The following SPECC1L variants were observed in gnomAD, a reference collection of about 807,000 sequenced individuals.
SPECC1L encodes cytospin-A.
Under a neutral mutation model 116.8 loss-of-function variants are expected in SPECC1L, and 40 were observed. The ratio of observed to expected loss-of-function variants is 0.34; its 90% confidence interval spans 0.27 to 0.45. The LOEUF is 0.45. SPECC1L is among the 20% of genes least tolerant of loss of function. The pLI is 1.00. For missense variants in SPECC1L, 1,110 were observed against 1,373.6 expected, an observed-to-expected ratio of 0.81 and a Z score of 3.03; for synonymous variants, 504 against 500.6, an observed-to-expected ratio of 1.01 and a Z score of -0.09.
At chr22:24,350,432 T>G (rs2041398183) in intron 11 of SPECC1L, among the ~76,000 whole-genome samples, 1 of 152,074 alleles carries the variant, frequency 6.6e-6, no homozygotes, top group African/African-American at 2.4e-5. Context: ...GAAAGAAGAG[T>G]TAAAGCTTGT....
chr22:24,372,544 T>C (rs940154399), intron 14 of SPECC1L, among the ~76,000 whole-genome samples: 3 of 152,190 alleles, frequency 2.0e-5, no homozygotes, highest in Non-Finnish European at 2.9e-5. Context: ...TCTCAATAGA[T>C]GCAGAAAAGG....
intron 2 of SPECC1L, among the ~76,000 whole-genome samples, chr22:24,297,423 AT>A (rs1224053652): frequency 6.6e-6 from 1 of 152,148 alleles, no homozygotes; most frequent in African/African-American, 2.4e-5. Flanking sequence ...TATTAAGTGT[AT>A]TACTAGTCTT....
intron 11 of SPECC1L, among the ~76,000 whole-genome samples, chr22:24,347,665 T>C (rs2041326922): frequency 6.6e-6 from 1 of 152,022 alleles, no homozygotes; most frequent in Admixed American, 6.6e-5. Flanking sequence ...GGGAGGAACT[T>C]GCTGTTTTCA....
At chr22:24,313,618 T>G in intron 4 of SPECC1L, 152 bp downstream of exon 4, 1 of 877,500 alleles carries the variant, frequency 1.1e-6, no homozygotes, top group Non-Finnish European at 1.8e-6. Flanking sequence ...CTCATCACCA[T>G]TATCAACTCA....
At position 24,285,290 on chromosome 22, in the gene SPECC1L, T is replaced by G. The variant is rs372008973; in HGVS notation, c.-38+8487T>G. Among the ~76,000 whole-genome samples, 545 of 152,348 alleles carry G rather than the reference T, an allele frequency of 3.6e-3. 16 individuals are homozygous for G. In the South Asian group the frequency reaches 0.091, roughly 25 times the overall value. On this transcript the variant is annotated intron_variant, in intron 2 of 16. Transcript: ENST00000314328. Reference sequence around the variant, plus strand: ...TGTAGTGGGAAGGAAAGGAGATGGATGCTTACTGTAATTCTGTGGGCTGAG... The same window carrying G: ...TGTAGTGGGAAGGAAAGGAGATGGAGGCTTACTGTAATTCTGTGGGCTGAG...
At chr22:24,297,808 T>C (rs1189406768) in intron 2 of SPECC1L, among the ~76,000 whole-genome samples, 1 of 152,254 alleles carries the variant, frequency 6.6e-6, no homozygotes, top group Non-Finnish European at 1.5e-5. Context: ...GATGTATCCA[T>C]GCTGTGTGTG....
intron 11 of SPECC1L, among the ~76,000 whole-genome samples, chr22:24,359,334 T>G (rs749593279): frequency 6.6e-6 from 1 of 152,184 alleles, no homozygotes; most frequent in Non-Finnish European, 1.5e-5. Context: ...AAACAAAATA[T>G]TCACATCAGA....
In SPECC1L at chr22:24,373,827, A is replaced by C. The variant is rs2041917369; in HGVS notation, c.3087+4507A>C. Among the ~76,000 whole-genome samples the C allele has an allele frequency of 3.3e-5, 5 of 152,338 alleles. No individual in the cohort carries two copies. The South Asian group carries it at 1.0e-3, about 32-fold the overall frequency. Reference sequence around the variant, plus strand: ...GCACAGCAAAAGAAACTACCATCAGAGTGAACAGGCAACCTACAGAATGGG... The same window carrying C: ...GCACAGCAAAAGAAACTACCATCAGCGTGAACAGGCAACCTACAGAATGGG... On this transcript the variant is annotated intron_variant, in intron 14 of 16. Coordinates refer to ENST00000314328, the MANE Select transcript of SPECC1L (RefSeq NM_015330.6).
chr22:24,367,243 G>T (rs533451890), intron 13 of SPECC1L, among the ~76,000 whole-genome samples: 22 of 152,138 alleles, frequency 1.4e-4, no homozygotes, highest in Admixed American at 1.3e-3. Flanking sequence ...TTTGTTTTTT[G>T]TTTTTGATGT....
chr22:24,395,550 A>G (rs1158233656), intron 14 of SPECC1L, among the ~76,000 whole-genome samples: 1 of 152,236 alleles, frequency 6.6e-6, no homozygotes, highest in African/African-American at 2.4e-5. Flanking sequence ...GAAGAAGAGC[A>G]GATTTGTTTA....
intron 6 of SPECC1L, among the ~76,000 whole-genome samples, chr22:24,327,992 A>G (rs1032973868): frequency 6.6e-6 from 1 of 152,206 alleles, no homozygotes; most frequent in African/African-American, 2.4e-5. Context: ...CTTGCCCTTA[A>G]CCAAAAAGTG....
intron 4 of SPECC1L, among the ~76,000 whole-genome samples, chr22:24,317,393 A>G (rs577893651): frequency 9.1e-6 from 1 of 109,906 alleles, no homozygotes; most frequent in African/African-American, 3.2e-5. Context: ...GCGGCCGGGC[A>G]GAGGCGCCCC....
At chr22:24,272,176 T>G (rs1248478063) in intron 1 of SPECC1L, among the ~76,000 whole-genome samples, 3 of 151,056 alleles carry the variant, frequency 2.0e-5, no homozygotes, top group Non-Finnish European at 4.4e-5. Flanking sequence ...AAGTCAGGAG[T>G]TCAAGACCAG....
At chr22:24,303,037 C>T (rs1169189039) in intron 3 of SPECC1L, among the ~76,000 whole-genome samples, 1 of 151,758 alleles carries the variant, frequency 6.6e-6, no homozygotes, top group African/African-American at 2.4e-5. Context: ...TCTATGTTGC[C>T]CAGGCTGGTC....
Position 24,321,662 on chromosome 22 carries a change from A to G in SPECC1L, c.682A>G (p.Lys228Glu), listed in dbSNP as rs148729776. The G allele has an allele frequency of 7.4e-6, 12 of 1,614,096 alleles. No homozygotes were observed. The African/African-American group carries it at 1.2e-4, about 16-fold the overall frequency. The change falls in exon 5 of 17, where the codon AAG becomes GAG. Residue 228 changes from lysine (K) to glutamate (E), a missense_variant. Transcript: ENST00000314328. ...DHSEGDEKSE[K>E]ETIMAHQPTD... ...TTCTGAGGGTGATGAAAAATCTGAGAAGGAAACTATTATGGCTCACCAGCC... is the reference window on the plus strand; with the variant it reads ...TTCTGAGGGTGATGAAAAATCTGAGGAGGAAACTATTATGGCTCACCAGCC...
In SPECC1L at chr22:24,416,813, CAT is replaced by C. The variant is rs1221809667; in HGVS notation, c.*2191_*2192del. 6.6e-6 allele frequency: 1 copy of C among 152,292 alleles called. No homozygotes were observed. The highest frequency in any genetic ancestry group is 1.5e-5 in the Non-Finnish European group (1 of 68,116). The allele number at this position is 152,292 out of a possible 1,614,324, so 9.4% of individuals were successfully genotyped here. On this transcript the variant is annotated 3_prime_UTR_variant, in exon 17 of 17. Coordinates refer to ENST00000314328, the MANE Select transcript of SPECC1L (RefSeq NM_015330.6). ...ATCTGTGTTTTCCCTCTGGGAGTCT[CAT>C]GGGTCCAGCATCAGGCCTGAGGTCA...
In SPECC1L at chr22:24,322,782, A is replaced by T; in HGVS notation, c.1802A>T (p.Asp601Val). The change falls in exon 5 of 17, where the codon GAC becomes GTC. Residue 601 changes from aspartate (D) to valine (V), a missense_variant. Around this residue, in one of 4 missense-constraint regions of SPECC1L, gnomAD observed 575 missense variants for 682.4 expected, o/e 0.84. Transcript: ENST00000314328. ...AELYSIHNSG[D>V]KSDIQDLLES... ...CTGTATTCTATCCATAACTCTGGAG[A>T]CAAATCTGATATTCAGGACCTCCTG... 4.4e-6 allele frequency: 7 copies of T among 1,586,254 alleles called. No individual in the cohort carries two copies. The highest frequency in any genetic ancestry group is 6.0e-6 in the Non-Finnish European group (7 of 1,168,152).
intron 11 of SPECC1L, among the ~76,000 whole-genome samples, chr22:24,360,395 A>G (rs1306873577): frequency 6.6e-6 from 1 of 152,114 alleles, no homozygotes; most frequent in African/African-American, 2.4e-5. Flanking sequence ...ACAATACCCT[A>G]TTTGGGTTCT....
At position 24,323,578 on chromosome 22, in the gene SPECC1L, T is replaced by C. The variant is rs74742695; in HGVS notation, c.1939-642T>C. 1.6e-4 allele frequency among the ~76,000 whole-genome samples: 25 copies of C among 152,362 alleles called. No individual in the cohort carries two copies. In the East Asian group the frequency reaches 4.6e-3, roughly 28 times the overall value. On this transcript the variant is annotated intron_variant, in intron 5 of 16. Transcript: ENST00000314328. Reference sequence around the variant, plus strand: ...CATGTGGTTGCTGATGAACTGTTTATTTCCATGAGTTATTCTAGTTATACT... The same window carrying C: ...CATGTGGTTGCTGATGAACTGTTTACTTCCATGAGTTATTCTAGTTATACT...
Sources: allele counts gnomAD v4.1 joint callset (sites outside exome capture counted in the v4.1 genomes callset), GRCh38; gene constraint gnomAD v4.1.1; regional missense constraint gnomAD v4.1.1; transcripts MANE v1.5; gene names NCBI Gene and HGNC (gene_info 2026-07-23, HGNC 2026-07-21).